The following BRK1 variants were observed in gnomAD, a reference collection of about 807,000 sequenced individuals.
BRK1 encodes the protein BRICK1 subunit of SCAR/WAVE actin nucleating complex.
A neutral mutation model predicts 9.9 loss-of-function variants in BRK1; 6 were observed. That is an observed-to-expected ratio of 0.60 (90% CI 0.33 to 1.19). The LOEUF (loss-of-function observed/expected upper bound fraction) is 1.19. BRK1 is among the 50% of genes most tolerant of loss of function. The pLI is 0.04. For missense variants in BRK1, 62 were observed against 97.5 expected (o/e 0.64, Z 1.53); for synonymous variants, 44 against 31.9 (o/e 1.38, Z -1.28).
chr3:10,125,642 A>G lies in BRK1; in HGVS notation c.135A>G (p.Ser45=). 6.2e-7 allele frequency: 1 copy of G among 1,611,902 alleles called. No homozygotes were observed. The highest frequency in any genetic ancestry group is 8.5e-7 in the Non-Finnish European group (1 of 1,178,852). The change falls in exon 2 of 3, where the codon TCA becomes TCG. Residue 45 remains serine (S), a synonymous_variant. Coordinates refer to ENST00000530758, the MANE Select transcript of BRK1 (RefSeq NM_018462.5). The part of the protein sequence containing the change: ...FLNSFDMSCR[S]RLATLNEKLT... ...TTTTCTCAGATATGTCTTGTCGTTC[A>G]AGACTTGCAACACTAAACGAGAAAT...
chr3:10,122,038 C>T (rs1044852011), intron 1 of BRK1, among the ~76,000 whole-genome samples: 2 of 151,682 alleles, frequency 1.3e-5, no homozygotes, highest in African/African-American at 2.4e-5. Context: ...TACAGGTGTG[C>T]GCCACCATGC....
At chr3:10,123,379 A>AACTCTCAC (rs1695784398) in intron 1 of BRK1, among the ~76,000 whole-genome samples, 1 of 151,294 alleles carries the variant, frequency 6.6e-6, no homozygotes, top group South Asian at 2.1e-4. Flanking sequence ...ATGAGCTCAG[A>AACTCTCAC]ACTCTCACAC....
chr3:10,117,665 G>A (rs1031174664), intron 1 of BRK1, among the ~76,000 whole-genome samples: 3 of 151,918 alleles, frequency 2.0e-5, no homozygotes, highest in African/African-American at 7.3e-5. Flanking sequence ...CCAAAGTGCT[G>A]GGATTACAGG....
intron 1 of BRK1, among the ~76,000 whole-genome samples, chr3:10,117,021 T>C (rs555649172): frequency 6.6e-6 from 1 of 152,316 alleles, no homozygotes; most frequent in African/African-American, 2.4e-5. Context: ...GGTGGGAGGA[T>C]TGCTTGAGCC....
chr3:10,125,520 C>T, intron 1 of BRK1, 106 bp from the exon 2 acceptor site: 1 of 687,208 alleles, frequency 1.5e-6, no homozygotes, highest in Non-Finnish European at 2.5e-6. Context: ...TATCCATTTC[C>T]ATTTGTATTC....
At chr3:10,116,647 T>G (rs1207126511) in intron 1 of BRK1, among the ~76,000 whole-genome samples, 2 of 152,194 alleles carry the variant, frequency 1.3e-5, no homozygotes, top group African/African-American at 2.4e-5. Context: ...GACTTTCTTG[T>G]GTAATTACAG....
intron 1 of BRK1, among the ~76,000 whole-genome samples, chr3:10,122,591 C>T (rs1176520697): frequency 6.6e-6 from 1 of 152,066 alleles, no homozygotes; most frequent in Non-Finnish European, 1.5e-5. Flanking sequence ...CATCCACCTA[C>T]TGAGTAGTAA....
chr3:10,121,834 G>C lies in BRK1; in HGVS notation c.119-3792G>C, dbSNP rs574488349. On this transcript the variant is annotated intron_variant, in intron 1 of 2. Coordinates refer to ENST00000530758, the MANE Select transcript of BRK1 (RefSeq NM_018462.5). ...TGCCTCAGGTGATCCACCCACCTCG[G>C]CTTCCCAAAGTGCTGGGATTACAGG... Among the ~76,000 whole-genome samples the C allele has an allele frequency of 1.0e-4, 15 of 148,718 alleles. No individual in the cohort carries two copies. The South Asian group carries it at 2.3e-3, about 23-fold the overall frequency.
rs918301463 is a variant in BRK1, at chr3:10,126,380, T to G, written c.*85T>G. 16 of 1,233,006 alleles carry G rather than the reference T, an allele frequency of 1.3e-5. No homozygotes were observed. The highest frequency in any genetic ancestry group is 1.2e-4 in the Admixed American group (5 of 40,366). The allele number at this position is 1,233,006 out of a possible 1,614,324, so 76.4% of individuals were successfully genotyped here. The stretch of plus-strand genomic sequence containing the variant: ...CCCCAGCAGCCTTCAGCTCCTTCCT[T>G]TCTCCTTAAAGAGCAACAGGGCTTA... On this transcript the variant is annotated 3_prime_UTR_variant, in exon 3 of 3. Coordinates refer to ENST00000530758, the MANE Select transcript of BRK1 (RefSeq NM_018462.5).
intron 1 of BRK1, among the ~76,000 whole-genome samples, chr3:10,124,656 C>T (rs1484672158): frequency 1.3e-5 from 2 of 151,974 alleles, no homozygotes; most frequent in African/African-American, 2.4e-5. Context: ...CTGGCCTGGG[C>T]TCCAATCAGG....
Position 10,126,995 on chromosome 3 carries a change from G to A in BRK1, c.*700G>A, listed in dbSNP as rs986697244. ...ATTGCACAGAAATGTAATACATGGC[G>A]TTATTATTCTAACATAAAACTTTCA... On this transcript the variant is annotated 3_prime_UTR_variant, in exon 3 of 3. Coordinates refer to ENST00000530758, the MANE Select transcript of BRK1 (RefSeq NM_018462.5). 2.0e-5 allele frequency: 3 copies of A among 152,590 alleles called. No individual in the cohort carries two copies. Among genetic ancestry groups the A allele is most frequent in the African/African-American group, 4.8e-5 (2 of 41,442 alleles). The allele number at this position is 152,590 out of a possible 1,614,324, so 9.5% of individuals were successfully genotyped here. A position where few individuals can be genotyped will look rare whatever the true frequency, so the allele number is the denominator to read the frequency against.
chr3:10,123,179 T>C (rs537201819), intron 1 of BRK1, among the ~76,000 whole-genome samples: 2 of 152,336 alleles, frequency 1.3e-5, no homozygotes, highest in African/African-American at 2.4e-5. Context: ...GAAAAAGTTG[T>C]TTTAAATTAA....
chr3:10,123,701 G>C (rs697818), intron 1 of BRK1, among the ~76,000 whole-genome samples: 29 of 139,444 alleles, frequency 2.1e-4, no homozygotes, highest in Admixed American at 5.0e-4. Flanking sequence ...ACAAAGTGCT[G>C]GGATTACAGG....
At chr3:10,117,685 C>T (rs1695705019) in intron 1 of BRK1, among the ~76,000 whole-genome samples, 1 of 152,034 alleles carries the variant, frequency 6.6e-6, no homozygotes. Flanking sequence ...GCCTGAGCCA[C>T]TGTGCCCTGC....
At chr3:10,125,394 C>T (rs187692011) in intron 1 of BRK1, among the ~76,000 whole-genome samples, 65 of 152,224 alleles carry the variant, frequency 4.3e-4, no homozygotes, top group African/African-American at 1.4e-3. Context: ...CATGAGCCAC[C>T]GTGCCCTGCA....
chr3:10,123,732 C>CTTTTTTTTTTTT (rs71626962), intron 1 of BRK1, among the ~76,000 whole-genome samples: 1 of 48,694 alleles, frequency 2.1e-5, no homozygotes, highest in African/African-American at 1.5e-4. Context: ...CGTGCCTGGC[C>CTTTTTTTTTTTT]TTTTTTTTTT....
At position 10,126,502 on chromosome 3, in the gene BRK1, C is replaced by T. The variant is rs770391990; in HGVS notation, c.*207C>T. 3.2e-5 allele frequency: 15 copies of T among 469,980 alleles called. No homozygotes were observed. The highest frequency in any genetic ancestry group is 6.7e-5 in the East Asian group (2 of 29,734). The allele number at this position is 469,980 out of a possible 1,614,324, so 29.1% of individuals were successfully genotyped here. On this transcript the variant is annotated 3_prime_UTR_variant, in exon 3 of 3. Transcript: ENST00000530758. ...AGAAGTTCAGAGGAACCGTTGGAAA[C>T]GACGTTAGGCATTTTACCTTTTCAG...
chr3:10,122,307 C>A (rs1402688037), intron 1 of BRK1, among the ~76,000 whole-genome samples: 1 of 151,920 alleles, frequency 6.6e-6, no homozygotes, highest in Non-Finnish European at 1.5e-5. Flanking sequence ...GGTTTTGTTG[C>A]TTTTTCACCA....
In BRK1 at chr3:10,124,567, G is replaced by A. The variant is rs1409423130; in HGVS notation, c.119-1059G>A. On this transcript the variant is annotated intron_variant, in intron 1 of 2. Transcript: ENST00000530758. ...AAATCAAACACTGGTCACTGGGCTA[G>A]CAATCTTCACACCTTGGCCAGCAGT... 2.0e-5 allele frequency among the ~76,000 whole-genome samples: 3 copies of A among 152,122 alleles called. No homozygotes were observed. In the South Asian group the frequency reaches 6.2e-4, roughly 32 times the overall value.
Sources: allele counts gnomAD v4.1 joint callset (sites outside exome capture counted in the v4.1 genomes callset), GRCh38; gene constraint gnomAD v4.1.1; transcripts MANE v1.5; gene names NCBI Gene and HGNC (gene_info 2026-07-23, HGNC 2026-07-21).